The following DYM variants were observed in gnomAD, a reference collection of about 807,000 sequenced individuals.
The protein encoded by DYM is dyggve-Melchior-Clausen syndrome protein.
Under a neutral mutation model 93.1 loss-of-function variants are expected in DYM, and 78 were observed. The ratio of observed to expected loss-of-function variants is 0.84; its 90% confidence interval spans 0.70 to 1.01. The LOEUF (loss-of-function observed/expected upper bound fraction) is 1.01. Ranked by LOEUF, DYM falls within the 50% of genes least tolerant of loss-of-function variation. DYM has a pLI of 0.00. For missense variants in DYM, 789 were observed against 845.0 expected, an observed-to-expected ratio of 0.93 and a Z score of 0.82; for synonymous variants, 321 against 319.7, an observed-to-expected ratio of 1.00 and a Z score of -0.04.
intron 8 of DYM, among the ~76,000 whole-genome samples, chr18:49,322,746 A>T (rs922427688): frequency 6.6e-6 from 1 of 152,164 alleles, no homozygotes; most frequent in South Asian, 2.1e-4. Context: ...GTATTTTTAA[A>T]ACAAAAGTTA....
intron 10 of DYM, among the ~76,000 whole-genome samples, chr18:49,273,597 T>A (rs1303740910): frequency 1.3e-5 from 2 of 152,118 alleles, no homozygotes; most frequent in Non-Finnish European, 2.9e-5. Flanking sequence ...CGCCATTGTG[T>A]TACAAGTGCC....
At chr18:49,261,579 C>T (rs1257817549) in intron 11 of DYM, among the ~76,000 whole-genome samples, 1 of 152,056 alleles carries the variant, frequency 6.6e-6, no homozygotes, top group Non-Finnish European at 1.5e-5. Context: ...AGGAGAATCG[C>T]TTGAACTAGG....
chr18:49,272,771 C>A (rs1386355119), intron 10 of DYM, among the ~76,000 whole-genome samples: 1 of 151,946 alleles, frequency 6.6e-6, no homozygotes, highest in Non-Finnish European at 1.5e-5. Context: ...CTCTTGGAAC[C>A]CAAGGTGCAT....
chr18:49,281,001 C>T (rs950684383), intron 10 of DYM, among the ~76,000 whole-genome samples: 10 of 152,296 alleles, frequency 6.6e-5, no homozygotes, highest in East Asian at 1.9e-4. Flanking sequence ...AAACTACCAT[C>T]GGAGTGAACA....
intron 8 of DYM, among the ~76,000 whole-genome samples, chr18:49,302,231 T>C (rs1322083964): frequency 2.0e-5 from 3 of 152,254 alleles, no homozygotes; most frequent in African/African-American, 7.2e-5. Context: ...GAAATACAGA[T>C]TTACATCCAC....
At chr18:49,079,414 TA>T (rs2077595267) in intron 17 of DYM, among the ~76,000 whole-genome samples, 1 of 152,190 alleles carries the variant, frequency 6.6e-6, no homozygotes, top group African/African-American at 2.4e-5. Context: ...TTTTTATTTT[TA>T]TTTTTTTTAT....
chr18:49,391,676 TG>T (rs1317408709), intron 2 of DYM, 31 bp from the exon 3 acceptor site: 1 of 1,564,090 alleles, frequency 6.4e-7, no homozygotes, highest in Admixed American at 1.7e-5. Context: ...AGGTAATTAA[TG>T]ACTATAATAC....
rs1287856092 is a variant in DYM at position 49,286,718 on chromosome 18, T to C, written c.764-102A>G. The C allele has an allele frequency of 1.7e-5, 20 of 1,154,726 alleles. No individual in the cohort carries two copies. The South Asian group carries it at 2.2e-4, about 13-fold the overall frequency. 71.5% of individuals were successfully genotyped at this position (1,154,726 alleles called of 1,614,324 possible). ...TATAATACAATATGGTAATGAGCAG[T>C]TCCAAAGTGTAGAACAAGAATCATG... On this transcript the variant is annotated intron_variant, in intron 8 of 17. Transcript: ENST00000675505.
intron 8 of DYM, among the ~76,000 whole-genome samples, chr18:49,317,456 G>A (rs1173039291): frequency 6.6e-6 from 1 of 152,050 alleles, no homozygotes; most frequent in Non-Finnish European, 1.5e-5. Flanking sequence ...GGGCAACAGT[G>A]AGAAGTGGGC....
intron 2 of DYM, among the ~76,000 whole-genome samples, chr18:49,422,775 T>C (rs555856321): frequency 1.5e-3 from 221 of 152,030 alleles, no homozygotes; most frequent in Admixed American, 3.7e-3. Context: ...GACTTTAAAC[T>C]AACAAAGATC....
intron 14 of DYM, among the ~76,000 whole-genome samples, chr18:49,171,572 T>TA (rs1425041945): frequency 2.6e-5 from 4 of 151,562 alleles, no homozygotes; most frequent in Non-Finnish European, 5.9e-5. Context: ...TGTAAAACAA[T>TA]AAAAAATTAA....
At chr18:49,291,638 T>C (rs2060123308) in intron 8 of DYM, among the ~76,000 whole-genome samples, 1 of 152,166 alleles carries the variant, frequency 6.6e-6, no homozygotes, top group Non-Finnish European at 1.5e-5. Context: ...TGTTTTTTAA[T>C]ACAGGAAGGA....
intron 8 of DYM, among the ~76,000 whole-genome samples, chr18:49,290,909 AG>A (rs888406669): frequency 7.9e-5 from 12 of 152,124 alleles, no homozygotes; most frequent in African/African-American, 2.7e-4. Context: ...ATAATAAGGA[AG>A]GGAAGGAGGA....
intron 3 of DYM, among the ~76,000 whole-genome samples, chr18:49,380,996 T>G (rs1342156752): frequency 6.7e-6 from 1 of 148,690 alleles, no homozygotes; most frequent in African/African-American, 2.4e-5. Context: ...ATATTTGAAC[T>G]TCTTTTTTTT....
At chr18:49,077,659 C>A (rs1004604741) in intron 17 of DYM, among the ~76,000 whole-genome samples, 3 of 152,210 alleles carry the variant, frequency 2.0e-5, no homozygotes, top group Non-Finnish European at 2.9e-5. Context: ...GCTATTGGCA[C>A]ATGCACATTT....
At chr18:49,302,524 G>T (rs981349512) in intron 8 of DYM, among the ~76,000 whole-genome samples, 13 of 151,986 alleles carry the variant, frequency 8.6e-5, no homozygotes, top group Admixed American at 7.2e-4. Context: ...TAAATCAGGG[G>T]TGCTGCTTTA....
intron 13 of DYM, among the ~76,000 whole-genome samples, chr18:49,227,516 G>A (rs1227093362): frequency 6.6e-6 from 1 of 152,082 alleles, no homozygotes; most frequent in East Asian, 1.9e-4. Context: ...GACCATCTCA[G>A]AGTCATTTTT....
intron 13 of DYM, among the ~76,000 whole-genome samples, chr18:49,253,662 T>C (rs1313932448): frequency 2.0e-5 from 3 of 152,132 alleles, no homozygotes; most frequent in Non-Finnish European, 1.5e-5. Flanking sequence ...TCAAATGTGG[T>C]CCTTGAACAA....
At chr18:49,222,162 C>A (rs2093387128) in intron 13 of DYM, among the ~76,000 whole-genome samples, 1 of 151,870 alleles carries the variant, frequency 6.6e-6, no homozygotes, top group Non-Finnish European at 1.5e-5. Flanking sequence ...TGTGAAACAA[C>A]TATATACACA....
Sources: allele counts gnomAD v4.1 joint callset (sites outside exome capture counted in the v4.1 genomes callset), GRCh38; gene constraint gnomAD v4.1.1; transcripts MANE v1.5; gene names NCBI Gene and HGNC (gene_info 2026-07-23, HGNC 2026-07-21).